The following DPP6 variants were observed in gnomAD, a reference collection of about 807,000 sequenced individuals.
DPP6 encodes the protein A-type potassium channel modulatory protein DPP6.
In DPP6, 69 loss-of-function variants were observed where a neutral mutation model predicts 122.6. The ratio of observed to expected loss-of-function variants is 0.56; its 90% CI spans 0.46 to 0.69. The LOEUF (loss-of-function observed/expected upper bound fraction) is 0.69, where lower values mean the gene tolerates loss of function less well. Ranked by LOEUF, DPP6 falls within the 30% of genes least tolerant of loss-of-function variation. The pLI is 0.00. For missense variants in DPP6, 928 were observed against 1,116.9 expected (o/e 0.83, Z 2.41); for synonymous variants, 418 against 433.1 (o/e 0.97, Z 0.43).
chr7:154,709,654 G>A (rs1841051880), intron 7 of DPP6, among the ~76,000 whole-genome samples: 1 of 143,538 alleles, frequency 7.0e-6, no homozygotes. Context: ...GGCTTTTGCT[G>A]TGCTGTTTTC....
Position 154,863,343 on chromosome 7 carries a change from G to A in DPP6, c.1715-4652G>A, listed in dbSNP as rs932750958. Among the ~76,000 whole-genome samples, 2 of 143,084 alleles carry A rather than the reference G, an allele frequency of 1.4e-5. No individual in the cohort carries two copies. Among genetic ancestry groups the A allele is most frequent in the Admixed American group, 6.9e-5 (1 of 14,566 alleles). The allele number at this position is 143,084 out of a possible 152,430, so 93.9% of individuals were successfully genotyped here. A position where few individuals can be genotyped will look rare whatever the true frequency, so the allele number is the denominator to read the frequency against. On this transcript the variant is annotated intron_variant, in intron 17 of 25. Coordinates refer to ENST00000377770, the MANE Select transcript of DPP6 (RefSeq NM_130797.4). This position sits in a 1 kb window ranked among gnomAD's most constrained non-coding sequence, Gnocchi z 4.1. ...CCAAGATTCTACAATCCTTTCATAG[G>A]ATTTTTTTTTTTTTTTGAGATGGGG... is the stretch of plus-strand genomic sequence containing the variant.
At chr7:154,401,641 A>G (rs916289764) in intron 1 of DPP6, among the ~76,000 whole-genome samples, 4 of 152,146 alleles carry the variant, frequency 2.6e-5, no homozygotes. Context: ...AACTATAAAA[A>G]CCCTAGAAGA....
At chr7:154,549,783 T>A (rs1044384990) in intron 4 of DPP6, among the ~76,000 whole-genome samples, 9 of 152,114 alleles carry the variant, frequency 5.9e-5, no homozygotes, top group African/African-American at 2.2e-4. Context: ...ATGGGGTAGA[T>A]CATGACACGA....
chr7:154,185,186 G>A (rs1166654816), intron 1 of DPP6, among the ~76,000 whole-genome samples: 1 of 152,202 alleles, frequency 6.6e-6, no homozygotes, highest in Non-Finnish European at 1.5e-5. Context: ...TGTATGGTAT[G>A]CATTGTAGGC....
chr7:154,413,026 A>G (rs1297043020), intron 1 of DPP6, among the ~76,000 whole-genome samples: 2 of 152,222 alleles, frequency 1.3e-5, no homozygotes, highest in Non-Finnish European at 2.9e-5. Flanking sequence ...GGAGTTCATG[A>G]GAAATGCAGC....
At chr7:154,035,387 T>C (rs1214701160) in intron 1 of DPP6, among the ~76,000 whole-genome samples, 1 of 152,262 alleles carries the variant, frequency 6.6e-6, no homozygotes, top group Admixed American at 6.5e-5. Flanking sequence ...ACTTTGGTTT[T>C]TGTTGGTAAA....
intron 1 of DPP6, among the ~76,000 whole-genome samples, chr7:154,272,542 C>T (rs1803863387): frequency 6.6e-6 from 1 of 152,182 alleles, no homozygotes; most frequent in East Asian, 1.9e-4. Context: ...CCTTTTCTCA[C>T]TTGGAATTCA....
intron 1 of DPP6, among the ~76,000 whole-genome samples, chr7:154,289,545 G>A (rs1805069866): frequency 6.6e-6 from 1 of 152,144 alleles, no homozygotes; most frequent in Non-Finnish European, 1.5e-5. Context: ...CCCTAAATAA[G>A]GTGTCAGGAA....
chr7:154,062,652 G>T lies in DPP6; in HGVS notation c.243+9589G>T, dbSNP rs1218131553. 9.3e-4 allele frequency among the ~76,000 whole-genome samples: 54 copies of T among 57,904 alleles called. 11 individuals carry two copies. The highest frequency in any genetic ancestry group is 1.8e-4 in the Non-Finnish European group (6 of 32,594). The allele number at this position is 57,904 out of a possible 152,430, so 38.0% of individuals were successfully genotyped here. A position where few individuals can be genotyped will look rare whatever the true frequency, so the allele number is the denominator to read the frequency against. ...TCTTAGGACCCCCATCGCAGGAGGG[G>T]GAGGCACCCCCCGCGAGGGTGGGGA... On this transcript the variant is annotated intron_variant, in intron 1 of 25. Coordinates refer to ENST00000377770, the MANE Select transcript of DPP6 (RefSeq NM_130797.4).
Position 154,880,961 on chromosome 7 carries a change from G to T in DPP6, c.2133+19G>T. 6.2e-7 allele frequency: 1 copy of T among 1,613,500 alleles called. No individual in the cohort carries two copies. The highest frequency in any genetic ancestry group is 8.5e-7 in the Non-Finnish European group (1 of 1,179,552). Reference sequence around the variant, plus strand: ...TGGGAAGGTGAGTCTGCGCCACCCTGGTCTGAAAACCCCTCAGTTCCAGTG... The same window carrying T: ...TGGGAAGGTGAGTCTGCGCCACCCTTGTCTGAAAACCCCTCAGTTCCAGTG... On this transcript the variant is annotated intron_variant, in intron 21 of 25. Coordinates refer to ENST00000377770, the MANE Select transcript of DPP6 (RefSeq NM_130797.4).
chr7:154,796,180 T>A (rs1451062596), intron 12 of DPP6: 1 of 403,102 alleles, frequency 2.5e-6, no homozygotes, highest in African/African-American at 2.0e-5. Context: ...CCTTGCTGAA[T>A]TGAAAATGAA....
chr7:154,322,010 G>A (rs947427446), intron 1 of DPP6, among the ~76,000 whole-genome samples: 1 of 151,946 alleles, frequency 6.6e-6, no homozygotes, highest in Admixed American at 6.6e-5. Context: ...ATAGAGAGAA[G>A]GCATCTCCCA....
rs1033530199 is a variant in DPP6, at chr7:154,486,111, C to G, written c.457+11074C>G. ...CAGTGTACCTTGCCTCCCCGGTCTC[C>G]TCACCACCCCTACTCATGGCCTCTA... On this transcript the variant is annotated intron_variant, in intron 3 of 25. Transcript: ENST00000377770. This position sits in a 1 kb window ranked among gnomAD's most constrained non-coding sequence, Gnocchi z 4.5. 1.3e-5 allele frequency among the ~76,000 whole-genome samples: 2 copies of G among 151,866 alleles called. No homozygotes were observed.
intron 25 of DPP6, among the ~76,000 whole-genome samples, chr7:154,891,979 A>G (rs147854903): frequency 0.015 from 2,299 of 152,258 alleles, 66 homozygotes; most frequent in African/African-American, 0.053. Flanking sequence ...CGGACTGTAG[A>G]GTGTTGAATG....
At chr7:154,271,230 TG>T in intron 1 of DPP6, among the ~76,000 whole-genome samples, 1 of 152,308 alleles carries the variant, frequency 6.6e-6, no homozygotes, top group Non-Finnish European at 1.5e-5. Context: ...AAAGATTCAG[TG>T]ATACCCCATT....
chr7:154,258,422 A>G (rs1392435080), intron 1 of DPP6, among the ~76,000 whole-genome samples: 4 of 152,350 alleles, frequency 2.6e-5, no homozygotes, highest in Non-Finnish European at 5.9e-5. Context: ...CAAATTCACC[A>G]CAGAACCTGA....
chr7:153,962,236 C>G (rs1795389893), intron 1 of DPP6, among the ~76,000 whole-genome samples: 1 of 152,082 alleles, frequency 6.6e-6, no homozygotes, highest in Admixed American at 6.5e-5. Context: ...GTTTTGAAGA[C>G]TAGTCCTGTG....
intron 1 of DPP6, among the ~76,000 whole-genome samples, chr7:153,984,079 C>CAG (rs943217789): frequency 6.6e-6 from 1 of 151,916 alleles, no homozygotes; most frequent in Admixed American, 6.6e-5. Context: ...CACACACACA[C>CAG]ACACACACAC....
intron 3 of DPP6, among the ~76,000 whole-genome samples, chr7:154,534,628 AT>A (rs1244336780): frequency 3.3e-5 from 5 of 152,198 alleles, no homozygotes; most frequent in African/African-American, 9.6e-5. Flanking sequence ...CAATGAAAAA[AT>A]ATTGGGAAAT....
Sources: gnomAD v4.1 joint callset for allele counts (sites outside exome capture counted in the v4.1 genomes callset) on GRCh38, gnomAD v4.1.1 for gene constraint, Gnocchi (gnomAD v3.1) non-coding constraint, MANE v1.5 for transcripts, NCBI Gene and HGNC (gene_info 2026-07-23, HGNC 2026-07-21) for gene names.